The following PPP2R5C variants were observed in gnomAD, a reference collection of about 807,000 sequenced individuals.
PPP2R5C encodes the protein protein phosphatase 2 regulatory subunit B'gamma.
In PPP2R5C, 7 loss-of-function variants were observed where a neutral mutation model predicts 68.9. The ratio of observed to expected loss-of-function variants is 0.10; its 90% CI spans 0.06 to 0.19. The LOEUF (loss-of-function observed/expected upper bound fraction) is 0.19. Among genes scored for constraint, PPP2R5C ranks in the 10% least tolerant of loss-of-function variants. The pLI is 1.00. For synonymous variants in PPP2R5C, 210 were observed against 222.2 expected (o/e 0.95, Z 0.49); for missense variants, 348 against 641.3 (o/e 0.54, Z 4.94).
chr14:101,885,357 C>T (rs1210726811), intron 5 of PPP2R5C, among the ~76,000 whole-genome samples: 2 of 151,576 alleles, frequency 1.3e-5, no homozygotes, highest in Non-Finnish European at 2.9e-5. Context: ...TCGGGAGCAC[C>T]CTGCCTTTCC....
At position 101,797,140 on chromosome 14, in the gene PPP2R5C, C is replaced by G. The variant is rs776365966; in HGVS notation, c.259+10957C>G. 4.4e-6 allele frequency: 2 copies of G among 456,030 alleles called. No individual in the cohort carries two copies. Among genetic ancestry groups the G allele is most frequent in the Non-Finnish European group, 8.8e-6 (2 of 226,782 alleles). The allele number at this position is 456,030 out of a possible 1,614,324, so 28.2% of individuals were successfully genotyped here. A position where few individuals can be genotyped will look rare whatever the true frequency, so the allele number is the denominator to read the frequency against. On this transcript the variant is annotated intron_variant, in intron 3 of 14. Transcript: ENST00000328724. This position sits in a 1 kb window ranked among gnomAD's most constrained non-coding sequence, Gnocchi z 4.2. ...ATGATTTTGCCCACAGTAGGAGCCT[C>G]TTAGAAGCGGAATCGTACAGTATCT...
At chr14:101,925,429 GA>G (rs1471071042) in exon 14 of PPP2R5C, 1 of 1,306,266 alleles carries the variant, frequency 7.7e-7, no homozygotes, top group East Asian at 2.6e-5. Context: ...GCGAGATTAG[GA>G]GTTCAAACAA....
At chr14:101,871,155 C>T (rs755526730) in intron 2 of PPP2R5C, among the ~76,000 whole-genome samples, 1 of 151,946 alleles carries the variant, frequency 6.6e-6, no homozygotes, top group Non-Finnish European at 1.5e-5. Context: ...TTGATCAGTT[C>T]GTATCTTTAT....
chr14:101,771,877 A>T (rs993191345), intron 2 of PPP2R5C, among the ~76,000 whole-genome samples: 2 of 152,156 alleles, frequency 1.3e-5, no homozygotes, highest in Non-Finnish European at 2.9e-5. Context: ...CCTGGCCAAG[A>T]TGTTTGTTGT....
chr14:101,773,970 C>T (rs2037284500), intron 2 of PPP2R5C, among the ~76,000 whole-genome samples: 2 of 152,242 alleles, frequency 1.3e-5, no homozygotes, highest in African/African-American at 4.8e-5. Context: ...GCTGGGATTA[C>T]AGACATGAAC....
chr14:101,844,627 G>A (rs2041711047), intron 1 of PPP2R5C, among the ~76,000 whole-genome samples: 3 of 152,204 alleles, frequency 2.0e-5, no homozygotes, highest in Non-Finnish European at 4.4e-5. Context: ...CTCTGTCTGA[G>A]ACATGGAGAA....
chr14:101,773,330 C>G (rs1200137059), intron 2 of PPP2R5C, among the ~76,000 whole-genome samples: 1 of 152,124 alleles, frequency 6.6e-6, no homozygotes, highest in Non-Finnish European at 1.5e-5. Context: ...CCACACACCA[C>G]TGGTGGACAG....
intron 1 of PPP2R5C, among the ~76,000 whole-genome samples, chr14:101,846,377 T>C (rs2041832573): frequency 1.3e-5 from 2 of 152,206 alleles, no homozygotes; most frequent in Admixed American, 6.5e-5. Flanking sequence ...AAGTGAAAGA[T>C]GTAACTTGAT....
chr14:101,847,702 C>T (rs565878922), intron 1 of PPP2R5C, among the ~76,000 whole-genome samples: 117 of 138,644 alleles, frequency 8.4e-4, no homozygotes, highest in African/African-American at 3.0e-3. Flanking sequence ...GAGTCTCTAT[C>T]GCGAGGCTGG....
intron 2 of PPP2R5C, among the ~76,000 whole-genome samples, chr14:101,876,484 C>T (rs765109507): frequency 6.6e-6 from 1 of 151,608 alleles, no homozygotes; most frequent in Non-Finnish European, 1.5e-5. Context: ...AGTTATGTTA[C>T]GGCATAAATA....
chr14:101,882,733 C>CGT lies in PPP2R5C; in HGVS notation c.405+462_405+463insGT. The CGT allele has an allele frequency of 6.2e-6, 1 of 161,256 alleles. No homozygotes were observed. Among genetic ancestry groups the CGT allele is most frequent in the Non-Finnish European group, 1.3e-5 (1 of 74,188 alleles). 10.0% of individuals were successfully genotyped at this position (161,256 alleles called of 1,614,324 possible). ...GGGCCAGGTGTGCGGGTGGGAGGGC[C>CGT]ATCCATCCGTGACAGGCGGCCCACG... On this transcript the variant is annotated intron_variant, in intron 3 of 13. Coordinates refer to ENST00000334743, the Ensembl canonical transcript of PPP2R5C. The surrounding 1 kb of genome is among the most constrained non-coding windows in gnomAD (Gnocchi z 4.9).
chr14:101,855,151 CAG>C (rs546914905), intron 1 of PPP2R5C, among the ~76,000 whole-genome samples: 99 of 152,342 alleles, frequency 6.5e-4, no homozygotes, highest in Non-Finnish European at 9.3e-4. Context: ...GCCTGGGCAA[CAG>C]AGTGAGACTC....
intron 1 of PPP2R5C, among the ~76,000 whole-genome samples, chr14:101,815,362 T>G (rs1188194717): frequency 6.6e-6 from 1 of 152,178 alleles, no homozygotes; most frequent in Non-Finnish European, 1.5e-5. Flanking sequence ...GTAATGGATT[T>G]GAGTGTCTGG....
chr14:101,854,075 G>A (rs2140540681), intron 1 of PPP2R5C, among the ~76,000 whole-genome samples: 1 of 152,294 alleles, frequency 6.6e-6, no homozygotes, highest in African/African-American at 2.4e-5. Flanking sequence ...CATTGAAAAA[G>A]ACTGGATATC....
intron 1 of PPP2R5C, among the ~76,000 whole-genome samples, chr14:101,812,719 A>G (rs769560467): frequency 1.1e-4 from 16 of 152,140 alleles, no homozygotes; most frequent in Non-Finnish European, 2.2e-4. Flanking sequence ...CATTTTACAA[A>G]TATTTATTGA....
exon 14 of PPP2R5C, chr14:101,927,868 A>T (rs2047337127): frequency 6.6e-6 from 1 of 152,276 alleles, no homozygotes; most frequent in African/African-American, 2.4e-5. Context: ...GACATTGTTT[A>T]TGAAGAGAAA....
chr14:101,781,688 C>A lies in PPP2R5C; in HGVS notation c.94-4330C>A, dbSNP rs1294747071. 6.6e-6 allele frequency among the ~76,000 whole-genome samples: 1 copy of A among 152,138 alleles called. No individual in the cohort carries two copies. Among genetic ancestry groups the A allele is most frequent in the Non-Finnish European group, 1.5e-5 (1 of 68,004 alleles). On this transcript the variant is annotated intron_variant, in intron 2 of 14. Transcript: ENST00000328724. The surrounding 1 kb of genome is among the most constrained non-coding windows in gnomAD (Gnocchi z 6.4). ...CCCGCCTTTGCCCCGGCCTCCGCTG[C>A]CTCGCCCCGGAGCCCGGAGGAGGGG... is the stretch of plus-strand genomic sequence containing the variant.
At position 101,835,009 on chromosome 14, in the gene PPP2R5C, T is replaced by C. The variant is rs1045069603; in HGVS notation, c.95-21677T>C. Among the ~76,000 whole-genome samples the C allele has an allele frequency of 3.9e-5, 6 of 152,208 alleles. No homozygotes were observed. The highest frequency in any genetic ancestry group is 1.4e-4 in the African/African-American group (6 of 41,446). On this transcript the variant is annotated intron_variant, in intron 1 of 13. Coordinates refer to ENST00000334743, the Ensembl canonical transcript of PPP2R5C. The surrounding 1 kb of genome is among the most constrained non-coding windows in gnomAD (Gnocchi z 5.0). Reference sequence around the variant, plus strand: ...GCCAGTGGCTTGGAGAAGTGTTTTGTTTTGTTTTGTTTACTTTTTAGGAGT... The same window carrying C: ...GCCAGTGGCTTGGAGAAGTGTTTTGCTTTGTTTTGTTTACTTTTTAGGAGT...
chr14:101,801,955 A>G (rs2038878973), intron 3 of PPP2R5C, among the ~76,000 whole-genome samples: 1 of 152,246 alleles, frequency 6.6e-6, no homozygotes, highest in Non-Finnish European at 1.5e-5. Flanking sequence ...GCAAAGCTAC[A>G]GTAATCAAGA....
Sources: allele counts gnomAD v4.1 joint callset (sites outside exome capture counted in the v4.1 genomes callset), GRCh38; gene constraint gnomAD v4.1.1; non-coding constraint Gnocchi (gnomAD v3.1); transcripts MANE v1.5; gene names NCBI Gene and HGNC (gene_info 2026-07-23, HGNC 2026-07-21).